The following FILIP1 variants were observed in gnomAD, a reference collection of about 807,000 sequenced individuals.
FILIP1 encodes filamin A interacting protein 1, also known as filamin-A-interacting protein 1.
FILIP1 carries 61 observed loss-of-function variants against 102.1 expected under a neutral mutation model. The ratio of observed to expected loss-of-function variants is 0.60; its 90% CI spans 0.49 to 0.74. The LOEUF is 0.74. FILIP1 is among the 30% of genes least tolerant of loss of function. The pLI, the probability that FILIP1 is intolerant of heterozygous loss-of-function variation, is 0.00. For synonymous variants in FILIP1, 491 were observed against 526.9 expected (o/e 0.93, Z 0.93); for missense variants, 1,314 against 1,441.2 (o/e 0.91, Z 1.43).
chr6:75,437,137 A>G (rs759429636), intron 1 of FILIP1, among the ~76,000 whole-genome samples: 2 of 152,250 alleles, frequency 1.3e-5, no homozygotes, highest in Non-Finnish European at 2.9e-5. Context: ...GATATACCAG[A>G]TAAACCTGGC....
chr6:75,481,661 A>T (rs538217818), intron 1 of FILIP1, among the ~76,000 whole-genome samples: 1 of 152,264 alleles, frequency 6.6e-6, no homozygotes, highest in East Asian at 1.9e-4. Flanking sequence ...CTGATGCCAC[A>T]CCATTTAGAT....
At chr6:75,356,091 G>C (rs1774988026) in intron 3 of FILIP1, among the ~76,000 whole-genome samples, 1 of 152,160 alleles carries the variant, frequency 6.6e-6, no homozygotes, top group African/African-American at 2.4e-5. Context: ...GAGAACCACT[G>C]TTCTAGTTGA....
intron 4 of FILIP1, among the ~76,000 whole-genome samples, chr6:75,334,218 G>A (rs1774168912): frequency 6.6e-6 from 1 of 152,120 alleles, no homozygotes; most frequent in African/African-American, 2.4e-5. Flanking sequence ...TAGGACTGCT[G>A]GTAGTAAGAC....
intron 4 of FILIP1, among the ~76,000 whole-genome samples, chr6:75,338,761 T>C (rs956106241): frequency 1.3e-5 from 2 of 152,194 alleles, no homozygotes; most frequent in African/African-American, 2.4e-5. Flanking sequence ...ATCTCACTTA[T>C]CACTTTTTCC....
intron 2 of FILIP1, among the ~76,000 whole-genome samples, chr6:75,365,450 A>G (rs1052428120): frequency 6.6e-6 from 1 of 152,126 alleles, no homozygotes; most frequent in African/African-American, 2.4e-5. Flanking sequence ...GGCTCACTGC[A>G]ACCTCCACCT....
intron 1 of FILIP1, among the ~76,000 whole-genome samples, chr6:75,473,545 G>A (rs1779391063): frequency 1.3e-5 from 2 of 152,004 alleles, no homozygotes; most frequent in Admixed American, 1.3e-4. Flanking sequence ...GCCTTTGTCT[G>A]TGCTTCCAGC....
At chr6:75,421,795 C>T (rs914569395) in intron 1 of FILIP1, among the ~76,000 whole-genome samples, 1 of 152,106 alleles carries the variant, frequency 6.6e-6, no homozygotes, top group South Asian at 2.1e-4. Flanking sequence ...ATTTTATCTT[C>T]CTAAAATAAC....
intron 2 of FILIP1, among the ~76,000 whole-genome samples, chr6:75,367,144 C>G (rs1775365258): frequency 6.6e-6 from 1 of 152,112 alleles, no homozygotes; most frequent in African/African-American, 2.4e-5. Context: ...CTATTCCTTT[C>G]CTCCCCCGAA....
At chr6:75,369,865 C>T (rs952574535) in intron 2 of FILIP1, among the ~76,000 whole-genome samples, 5 of 152,214 alleles carry the variant, frequency 3.3e-5, no homozygotes, top group Admixed American at 2.6e-4. Flanking sequence ...CAGCTTGGGA[C>T]AGACTCTTAG....
intron 1 of FILIP1, among the ~76,000 whole-genome samples, chr6:75,485,304 C>T (rs1779752570): frequency 6.6e-6 from 1 of 152,114 alleles, no homozygotes; most frequent in African/African-American, 2.4e-5. Flanking sequence ...AGATGTTTAG[C>T]CTGTCAGGTG....
intron 2 of FILIP1, among the ~76,000 whole-genome samples, chr6:75,390,914 T>TAGAA (rs1776262949): frequency 2.0e-5 from 3 of 152,140 alleles, no homozygotes; most frequent in Admixed American, 6.6e-5. Context: ...TTTCTGATGT[T>TAGAA]CTGACTTCCC....
chr6:75,295,046 A>G (rs566010281), exon 7 of FILIP1: 1 of 151,918 alleles, frequency 6.6e-6, no homozygotes, highest in African/African-American at 2.4e-5. Context: ...GTCTGTTTTT[A>G]TATTCAAGTT....
At chr6:75,427,507 C>T (rs1217694892) in intron 1 of FILIP1, among the ~76,000 whole-genome samples, 1 of 152,100 alleles carries the variant, frequency 6.6e-6, no homozygotes, top group Non-Finnish European at 1.5e-5. Context: ...AGCCAGAGTT[C>T]ATTCAGTCTT....
At chr6:75,461,027 G>C (rs533003092) in intron 1 of FILIP1, among the ~76,000 whole-genome samples, 13 of 152,098 alleles carry the variant, frequency 8.5e-5, no homozygotes, top group African/African-American at 3.1e-4. Flanking sequence ...TAACCCACAC[G>C]ACCTCCCTCT....
chr6:75,330,375 T>C (rs534353257), intron 4 of FILIP1, among the ~76,000 whole-genome samples: 2 of 152,300 alleles, frequency 1.3e-5, no homozygotes, highest in South Asian at 4.1e-4. Flanking sequence ...GCAGTGAAGA[T>C]GAGTTTACAA....
chr6:75,414,652 T>G (rs1777189113), intron 2 of FILIP1, 45 bp downstream of exon 2: 1 of 1,561,966 alleles, frequency 6.4e-7, no homozygotes, highest in Non-Finnish European at 8.7e-7. Context: ...ATTTTATAGC[T>G]TAGAAACCAA....
intron 1 of FILIP1, among the ~76,000 whole-genome samples, chr6:75,480,263 A>ACATTTTTGTAGTATTAAAAATGTACAC (rs1779611730): frequency 6.8e-6 from 1 of 147,754 alleles, no homozygotes; most frequent in Admixed American, 6.7e-5. Context: ...TTATAATACT[A>ACATTTTTGTAGTATTAAAAATGTACAC]CATTTTTATA....
chr6:75,444,808 A>G (rs1399879886), intron 1 of FILIP1, among the ~76,000 whole-genome samples: 1 of 152,208 alleles, frequency 6.6e-6, no homozygotes, highest in Non-Finnish European at 1.5e-5. Flanking sequence ...GTGTATTTGT[A>G]GAGAAAAAAA....
intron 4 of FILIP1, among the ~76,000 whole-genome samples, chr6:75,339,071 G>A (rs1774336677): frequency 6.6e-6 from 1 of 152,196 alleles, no homozygotes; most frequent in African/African-American, 2.4e-5. Context: ...TGGATTACAA[G>A]TGATAGTTTC....
Sources: gnomAD v4.1 joint callset for allele counts (sites outside exome capture counted in the v4.1 genomes callset) on GRCh38, gnomAD v4.1.1 for gene constraint, MANE v1.5 for transcripts, NCBI Gene and HGNC (gene_info 2026-07-23, HGNC 2026-07-21) for gene names.